ERBB4: variants seen among roughly 807,000 people sequenced by gnomAD.
ERBB4 encodes the protein erb-b2 receptor tyrosine kinase 4.
ERBB4 carries 42 observed loss-of-function variants against 158.0 expected under a neutral mutation model. The observed-to-expected ratio is 0.27, with a 90% CI of 0.21 to 0.34. ERBB4 has a LOEUF of 0.34. ERBB4 is among the 10% of genes least tolerant of loss of function. The probability of loss-of-function intolerance (pLI) is 1.00; values close to 1 mark genes in which losing one functional copy is unlikely to be tolerated. For synonymous variants in ERBB4, 583 were observed against 558.7 expected (o/e 1.04, Z -0.61); for missense variants, 1,333 against 1,624.1 (o/e 0.82, Z 3.08).
chr2:211,622,649 G>A (rs1290883617), intron 18 of ERBB4, among the ~76,000 whole-genome samples: 2 of 151,762 alleles, frequency 1.3e-5, no homozygotes, highest in African/African-American at 4.8e-5. Flanking sequence ...TAAAATGTAG[G>A]CTTACACATA....
At chr2:211,687,699 G>C (rs1158127195) in intron 12 of ERBB4, among the ~76,000 whole-genome samples, 2 of 151,894 alleles carry the variant, frequency 1.3e-5, no homozygotes, top group Admixed American at 1.3e-4. Context: ...GCATCTGTTG[G>C]GGATTCTGAG....
At chr2:211,642,209 T>C (rs540617180) in intron 16 of ERBB4, among the ~76,000 whole-genome samples, 1 of 152,150 alleles carries the variant, frequency 6.6e-6, no homozygotes, top group Non-Finnish European at 1.5e-5. Flanking sequence ...ATTTTTAGTC[T>C]CTGTCTCTTC....
chr2:211,714,223 C>T (rs1231888283), intron 7 of ERBB4, among the ~76,000 whole-genome samples: 1 of 152,208 alleles, frequency 6.6e-6, no homozygotes, highest in East Asian at 1.9e-4. Context: ...TTACCCAATA[C>T]TTGGATTAAA....
At chr2:212,001,505 T>C (rs1206515426) in intron 2 of ERBB4, among the ~76,000 whole-genome samples, 1 of 152,194 alleles carries the variant, frequency 6.6e-6, no homozygotes, top group Non-Finnish European at 1.5e-5. Context: ...TTCTGCCTAA[T>C]AGCCAAGGAA....
At chr2:212,016,139 C>CATATATAT (rs141785829) in intron 2 of ERBB4, among the ~76,000 whole-genome samples, 5 of 148,520 alleles carry the variant, frequency 3.4e-5, no homozygotes, top group Non-Finnish European at 7.4e-5. Flanking sequence ...AATGACTAGA[C>CATATATAT]ATATATATAT....
intron 1 of ERBB4, among the ~76,000 whole-genome samples, chr2:212,512,586 G>T (rs570531268): frequency 6.6e-6 from 1 of 151,988 alleles, no homozygotes; most frequent in African/African-American, 2.4e-5. Flanking sequence ...GAGAAGTATG[G>T]CCTAAAGTGA....
At chr2:212,138,402 A>C (rs989690559) in intron 1 of ERBB4, among the ~76,000 whole-genome samples, 5 of 152,204 alleles carry the variant, frequency 3.3e-5, no homozygotes, top group African/African-American at 9.6e-5. Context: ...TCCAAAACAG[A>C]TTGAAACTTA....
At chr2:211,429,450 A>T (rs2063704805) in intron 21 of ERBB4, among the ~76,000 whole-genome samples, 1 of 152,230 alleles carries the variant, frequency 6.6e-6, no homozygotes, top group Non-Finnish European at 1.5e-5. Context: ...TATATAAAAG[A>T]ATGTGAAAGG....
At chr2:212,304,088 C>A (rs936754525) in intron 1 of ERBB4, among the ~76,000 whole-genome samples, 4 of 151,462 alleles carry the variant, frequency 2.6e-5, no homozygotes, top group Non-Finnish European at 1.5e-5. Context: ...TATACGTATA[C>A]CAGCAATTTT....
At chr2:212,466,279 G>C (rs191317048) in intron 1 of ERBB4, among the ~76,000 whole-genome samples, 67 of 152,298 alleles carry the variant, frequency 4.4e-4, no homozygotes, top group African/African-American at 1.6e-3. Flanking sequence ...TCAACCAAAT[G>C]TGGATTGAAA....
chr2:212,487,050 A>G (rs1690015742), intron 1 of ERBB4, among the ~76,000 whole-genome samples: 1 of 152,116 alleles, frequency 6.6e-6, no homozygotes, highest in Non-Finnish European at 1.5e-5. Context: ...TTTGTGAAAA[A>G]TATCTCTTAA....
chr2:211,914,049 CAAAA>C (rs74891191), intron 3 of ERBB4, among the ~76,000 whole-genome samples: 9 of 93,284 alleles, frequency 9.6e-5, no homozygotes, highest in Non-Finnish European at 1.7e-4. Flanking sequence ...CTTGGAATGA[CAAAA>C]AAAAAAAAAA....
intron 5 of ERBB4, among the ~76,000 whole-genome samples, chr2:211,746,163 C>A (rs902700923): frequency 6.6e-6 from 1 of 152,144 alleles, no homozygotes; most frequent in Non-Finnish European, 1.5e-5. Context: ...CACCTGTAAT[C>A]CCAGCACTTT....
rs554004142 is a variant in ERBB4, at chr2:211,520,232, C to T, written c.2487+41671G>A. 2.0e-5 allele frequency among the ~76,000 whole-genome samples: 3 copies of T among 152,228 alleles called. No homozygotes were observed. The South Asian group carries it at 6.2e-4, about 32-fold the overall frequency. On this transcript the variant is annotated intron_variant, in intron 20 of 27. Transcript: ENST00000342788. ...GGTTTTGTTTCATACGGGGTGTTTG[C>T]ATTTCCAGATTTTATCAAAAGACAA...
chr2:211,619,318 ATTAAG>A, intron 18 of ERBB4, 43 bp from the exon 19 acceptor site: 2 of 1,086,856 alleles, frequency 1.8e-6, no homozygotes, highest in Non-Finnish European at 2.9e-6. Context: ...ATCTCAACCT[ATTAAG>A]TTCTTACAAA....
intron 3 of ERBB4, among the ~76,000 whole-genome samples, chr2:211,833,112 T>C (rs1425343746): frequency 6.6e-6 from 1 of 152,090 alleles, no homozygotes; most frequent in Non-Finnish European, 1.5e-5. Context: ...AAACAGCAGA[T>C]ACCCAGCATA....
chr2:211,800,541 C>T (rs1466203280), intron 3 of ERBB4, among the ~76,000 whole-genome samples: 1 of 151,366 alleles, frequency 6.6e-6, no homozygotes. Context: ...TAATCTACTT[C>T]TAAGTATAAT....
intron 1 of ERBB4, among the ~76,000 whole-genome samples, chr2:212,399,120 T>A (rs2091116627): frequency 6.6e-6 from 1 of 151,898 alleles, no homozygotes; most frequent in Non-Finnish European, 1.5e-5. Context: ...TTTTTGTATT[T>A]TTAGTAGAGA....
intron 1 of ERBB4, among the ~76,000 whole-genome samples, chr2:212,227,737 G>GT (rs930235315): frequency 5.3e-5 from 8 of 151,942 alleles, no homozygotes; most frequent in African/African-American, 1.9e-4. Flanking sequence ...AATCCAAATT[G>GT]TTTTTATCAA....
Sources: gnomAD v4.1 joint callset for allele counts (sites outside exome capture counted in the v4.1 genomes callset) on GRCh38, gnomAD v4.1.1 for gene constraint, MANE v1.5 for transcripts, NCBI Gene and HGNC (gene_info 2026-07-23, HGNC 2026-07-21) for gene names.